LDB3: variants seen among roughly 807,000 people sequenced by gnomAD.
LDB3 encodes the protein LIM domain-binding protein 3.
A neutral mutation model predicts 69.0 loss-of-function variants in LDB3; 49 were observed. The ratio of observed to expected loss-of-function variants is 0.71; its 90% CI spans 0.56 to 0.90. The LOEUF is 0.90. Among genes scored for constraint, LDB3 ranks in the 40% least tolerant of loss-of-function variants. The pLI is 0.00. For missense variants in LDB3, 928 were observed against 974.1 expected (o/e 0.95, Z 0.63); for synonymous variants, 387 against 396.2 (o/e 0.98, Z 0.28).
At chr10:86,708,163 C>G (rs1253410278) in intron 8 of LDB3, among the ~76,000 whole-genome samples, 1 of 152,254 alleles carries the variant, frequency 6.6e-6, no homozygotes, top group East Asian at 1.9e-4. Context: ...ATGCCCCCCA[C>G]AGGGGGAGTC....
chr10:86,668,671 G>A lies in LDB3; in HGVS notation c.-21G>A, dbSNP rs1050286620. ...CCCTCTCTACCCTTTGTCTGCAGAG[G>A]CGGCCGCTGACAGCACCAGCATGTC... On this transcript the variant is annotated splice_region_variant and 5_prime_UTR_variant, in exon 2 of 14. Coordinates refer to ENST00000361373, the MANE Select transcript of LDB3 (RefSeq NM_007078.3). 6.2e-7 allele frequency: 1 copy of A among 1,603,264 alleles called. No individual in the cohort carries two copies. The highest frequency in any genetic ancestry group is 1.3e-5 in the African/African-American group (1 of 74,676).
chr10:86,677,236 G>A (rs894660593), intron 2 of LDB3, among the ~76,000 whole-genome samples: 2 of 152,210 alleles, frequency 1.3e-5, no homozygotes, highest in African/African-American at 4.8e-5. Flanking sequence ...TATGGTGGGA[G>A]TCAGGTCATA....
intron 8 of LDB3, among the ~76,000 whole-genome samples, chr10:86,709,107 T>C (rs1055784846): frequency 3.9e-5 from 6 of 152,158 alleles, no homozygotes; most frequent in Admixed American, 3.3e-4. Context: ...AAGAAAAGCA[T>C]TTTACAAACA....
At chr10:86,682,773 C>T (rs1845236595) in intron 5 of LDB3, among the ~76,000 whole-genome samples, 1 of 152,196 alleles carries the variant, frequency 6.6e-6, no homozygotes, top group African/African-American at 2.4e-5. Flanking sequence ...TTGTCTGTCA[C>T]CCACTCACTG....
chr10:86,721,146 C>T (rs1353673406), intron 12 of LDB3, among the ~76,000 whole-genome samples: 1 of 152,198 alleles, frequency 6.6e-6, no homozygotes, highest in Non-Finnish European at 1.5e-5. Flanking sequence ...TAAGGAACCT[C>T]ATACTGTTTT....
intron 13 of LDB3, among the ~76,000 whole-genome samples, chr10:86,728,520 T>A (rs1393014779): frequency 6.6e-6 from 1 of 151,504 alleles, no homozygotes; most frequent in African/African-American, 2.4e-5. Flanking sequence ...TAGGTCTCCC[T>A]CCAAACCAGC....
At chr10:86,705,258 C>A (rs1476680179) in intron 7 of LDB3, among the ~76,000 whole-genome samples, 1 of 152,126 alleles carries the variant, frequency 6.6e-6, no homozygotes, top group African/African-American at 2.4e-5. Flanking sequence ...TCTTTGTTAC[C>A]ATTTCCTCAT....
At chr10:86,671,841 G>A (rs1358006604) in intron 2 of LDB3, among the ~76,000 whole-genome samples, 10 of 152,178 alleles carry the variant, frequency 6.6e-5, no homozygotes, top group African/African-American at 4.8e-5. Context: ...GGCTGGGCGC[G>A]GTGCCTCATG....
intron 7 of LDB3, among the ~76,000 whole-genome samples, chr10:86,701,672 C>T (rs572057120): frequency 1.3e-5 from 2 of 152,296 alleles, no homozygotes; most frequent in African/African-American, 4.8e-5. Flanking sequence ...TCAAAGAAGG[C>T]TTCCTGGAAG....
intron 13 of LDB3, 49 bp from the exon 14 acceptor site, chr10:86,732,838 T>C (rs1589691623): frequency 6.9e-7 from 1 of 1,458,190 alleles, no homozygotes; most frequent in East Asian, 2.3e-5. Flanking sequence ...TGAAATCTGC[T>C]CATGCCCTGT....
chr10:86,716,505 C>T lies in LDB3; in HGVS notation c.1410C>T (p.Asn470=), dbSNP rs1135401943. 2.5e-6 allele frequency: 4 copies of T among 1,611,922 alleles called. No individual in the cohort carries two copies. The highest frequency in any genetic ancestry group is 3.4e-6 in the Non-Finnish European group (4 of 1,179,366). ...AYTPSPAPNY[N]PAPSVAYSGG... ...CCCCCTCACCTGCCCCCAACTATAACCCTGCACCCTCGGTGGCCTACAGCG... is the reference window on the plus strand; with the variant it reads ...CCCCCTCACCTGCCCCCAACTATAATCCTGCACCCTCGGTGGCCTACAGCG... Residue 470 remains asparagine (N), a synonymous_variant, in exon 10 of 14, where the codon AAC becomes AAT. Transcript: ENST00000361373.
At chr10:86,696,389 A>G (rs1407214841) in intron 7 of LDB3, among the ~76,000 whole-genome samples, 1 of 152,208 alleles carries the variant, frequency 6.6e-6, no homozygotes, top group Non-Finnish European at 1.5e-5. Flanking sequence ...CTGGAGCACC[A>G]GGGATGTTGC....
intron 7 of LDB3, among the ~76,000 whole-genome samples, chr10:86,693,785 C>T (rs150226929): frequency 5.8e-4 from 89 of 152,362 alleles, no homozygotes; most frequent in Admixed American, 1.5e-3. Context: ...CGCTGTGCTC[C>T]GCTGTCCCTG....
chr10:86,732,966 T>A lies in LDB3; in HGVS notation c.2174T>A (p.Ile725Asn), dbSNP rs748399477. Residue 725 changes from isoleucine to asparagine, a missense_variant, in exon 14 of 14, where the codon ATC (isoleucine) becomes AAC (asparagine). Coordinates refer to ENST00000361373, the MANE Select transcript of LDB3 (RefSeq NM_007078.3). ...RPLCKKHAHT[I>N]NL is the part of the protein sequence containing the mutation. ...CTGTGCAAGAAGCACGCACACACCA[T>A]CAACTTGTAGGCGGCCAAGGCCGCC... 3.7e-5 allele frequency: 59 copies of A among 1,613,310 alleles called. No individual in the cohort carries two copies. The highest frequency in any genetic ancestry group is 4.6e-5 in the Non-Finnish European group (54 of 1,179,658).
chr10:86,705,695 C>T (rs376108622), intron 7 of LDB3, among the ~76,000 whole-genome samples: 24 of 152,180 alleles, frequency 1.6e-4, no homozygotes, highest in Admixed American at 7.2e-4. Context: ...GCAGTGTGGT[C>T]GCCTTTCTCT....
intron 8 of LDB3, among the ~76,000 whole-genome samples, chr10:86,708,088 C>A (rs1286438919): frequency 6.6e-6 from 1 of 152,246 alleles, no homozygotes; most frequent in Non-Finnish European, 1.5e-5. Context: ...AAGGCAGGCA[C>A]CAGCACCAGG....
intron 11 of LDB3, 82 bp downstream of exon 11, chr10:86,718,226 C>A: frequency 7.4e-7 from 1 of 1,342,776 alleles, no homozygotes; most frequent in Non-Finnish European, 1.1e-6. Context: ...ATTAGGAAGC[C>A]AAGAAGTTGC....
intron 2 of LDB3, 37 bp downstream of exon 2, chr10:86,668,821 G>T: frequency 1.3e-6 from 2 of 1,500,794 alleles, no homozygotes; most frequent in African/African-American, 2.7e-5. Context: ...ACCCGATGGG[G>T]CAGGCACGCT....
intron 7 of LDB3, among the ~76,000 whole-genome samples, chr10:86,694,266 G>A (rs1845905986): frequency 6.6e-6 from 1 of 152,170 alleles, no homozygotes; most frequent in East Asian, 1.9e-4. Context: ...CTCCTTCAAG[G>A]AGCATCTCTT....
Sources: gnomAD v4.1 joint callset for allele counts (sites outside exome capture counted in the v4.1 genomes callset) on GRCh38, gnomAD v4.1.1 for gene constraint, MANE v1.5 for transcripts, NCBI Gene and HGNC (gene_info 2026-07-23, HGNC 2026-07-21) for gene names.